Variants in MTMR10 observed in about 807,000 individuals in gnomAD.
MTMR10 encodes myotubularin related protein 10, also known as myotubularin-related protein 10.
Under a neutral mutation model 88.1 loss-of-function variants are expected in MTMR10, and 56 were observed. The observed-to-expected ratio is 0.64, with a 90% CI of 0.51 to 0.79. The LOEUF is 0.79. Among genes scored for constraint, MTMR10 ranks in the 30% least tolerant of loss-of-function variants. The pLI is 0.00. For synonymous variants in MTMR10, 380 were observed against 340.9 expected (o/e 1.11, Z -1.26); for missense variants, 883 against 924.7 (o/e 0.95, Z 0.58).
Position 30,991,596 on chromosome 15 carries a change from G to A in MTMR10, c.-90C>T, listed in dbSNP as rs1436101199. ...TAAAGCTCTCAGTGCGGCCGCCCAGGCCCTTTCTGCGGCCAGCCGAGCCGG... is the reference window on the plus strand; with the variant it reads ...TAAAGCTCTCAGTGCGGCCGCCCAGACCCTTTCTGCGGCCAGCCGAGCCGG... On this transcript the variant is annotated 5_prime_UTR_variant, in exon 1 of 16. Transcript: ENST00000435680. The A allele has an allele frequency of 6.3e-6, 9 of 1,430,960 alleles. No individual in the cohort carries two copies. Among genetic ancestry groups the A allele is most frequent in the African/African-American group, 4.5e-5 (3 of 66,190 alleles). 88.6% of individuals were successfully genotyped at this position (1,430,960 alleles called of 1,614,324 possible). A position where few individuals can be genotyped will look rare whatever the true frequency, so the allele number is the denominator to read the frequency against.
downstream of MTMR10, among the ~76,000 whole-genome samples, chr15:30,938,406 G>T (rs761330524): frequency 6.6e-6 from 1 of 152,112 alleles, no homozygotes; most frequent in African/African-American, 2.4e-5. Flanking sequence ...ACATGTAAAT[G>T]CTTGTTCTAC....
Position 30,947,121 on chromosome 15 carries a change from G to C in MTMR10, c.1548+9C>G. ...GGGAAAACGTAGCCACAGCCACAGGGTTGCTTACCGTGCTTTGCTTCACTC... is the reference window on the plus strand; with the variant it reads ...GGGAAAACGTAGCCACAGCCACAGGCTTGCTTACCGTGCTTTGCTTCACTC... On this transcript the variant is annotated intron_variant, in intron 14 of 15. Coordinates refer to ENST00000435680, the MANE Select transcript of MTMR10 (RefSeq NM_017762.3). The C allele has an allele frequency of 6.3e-7, 1 of 1,594,752 alleles. No individual in the cohort carries two copies. Among genetic ancestry groups the C allele is most frequent in the Non-Finnish European group, 8.5e-7 (1 of 1,171,802 alleles).
intron 5 of MTMR10, among the ~76,000 whole-genome samples, chr15:30,972,739 T>TC (rs1469145298): frequency 6.6e-6 from 1 of 152,176 alleles, no homozygotes; most frequent in Non-Finnish European, 1.5e-5. Flanking sequence ...ATCTTACCCT[T>TC]CTTTCTACTT....
At chr15:30,971,293 T>A (rs2063535031) in intron 5 of MTMR10, among the ~76,000 whole-genome samples, 1 of 152,156 alleles carries the variant, frequency 6.6e-6, no homozygotes, top group Non-Finnish European at 1.5e-5. Flanking sequence ...TTAAATCAAT[T>A]TTTGGACCAA....
chr15:30,940,334 C>T lies in MTMR10; in HGVS notation c.*1136G>A. On this transcript the variant is annotated 3_prime_UTR_variant, in exon 16 of 16. Transcript: ENST00000435680. Reference sequence around the variant, plus strand: ...AACTGTGTCTGCTCATTCTCCTCAACTTTGCTGTCCAAAGTTGGGGGCTGG... The same window carrying T: ...AACTGTGTCTGCTCATTCTCCTCAATTTTGCTGTCCAAAGTTGGGGGCTGG... 2 of 985,418 alleles carry T rather than the reference C, an allele frequency of 2.0e-6. No individual in the cohort carries two copies. The highest frequency in any genetic ancestry group is 9.4e-5 in the South Asian group (2 of 21,292). The allele number at this position is 985,418 out of a possible 1,614,324, so 61.0% of individuals were successfully genotyped here.
chr15:30,927,798 G>T, the MTMR10 span: 1 of 985,808 alleles, frequency 1.0e-6, no homozygotes, highest in Non-Finnish European at 1.2e-6. Context: ...ATGAGCTGGG[G>T]CTTGCTCAGG....
intron 7 of MTMR10, among the ~76,000 whole-genome samples, chr15:30,959,611 G>A (rs2063374251): frequency 1.3e-5 from 2 of 152,186 alleles, no homozygotes; most frequent in Admixed American, 6.5e-5. Flanking sequence ...TGCACCTCAA[G>A]ACATCTTCCT....
Position 30,948,676 on chromosome 15 carries a change from T to C in MTMR10, c.1208-205A>G, listed in dbSNP as rs2063204060. On this transcript the variant is annotated intron_variant, in intron 12 of 15. Transcript: ENST00000435680. ...AATTAGCATTTAATAGGAGATGGTC[T>C]TTTATACATGGATATTTGCCAGATA... 1.4e-5 allele frequency: 8 copies of C among 587,354 alleles called. No individual in the cohort carries two copies. The Admixed American group carries it at 2.0e-4, about 14-fold the overall frequency. 36.4% of individuals were successfully genotyped at this position (587,354 alleles called of 1,614,324 possible). A position where few individuals can be genotyped will look rare whatever the true frequency, so the allele number is the denominator to read the frequency against.
the MTMR10 span, among the ~76,000 whole-genome samples, chr15:30,923,818 TC>T: frequency 6.6e-6 from 1 of 152,354 alleles, no homozygotes; most frequent in African/African-American, 2.4e-5. Flanking sequence ...ATTTTTTCTT[TC>T]ACTTTTTATG....
Position 30,980,126 on chromosome 15 carries a change from C to T in MTMR10, c.122-3171G>A, listed in dbSNP as rs75041435. On this transcript the variant is annotated intron_variant, in intron 2 of 15. Transcript: ENST00000435680. ...ACAAGGTTTAGAAGACACAACTGGGCATGTCCCATCTGAAAGGTGAGAAGT... is the reference window on the plus strand; with the variant it reads ...ACAAGGTTTAGAAGACACAACTGGGTATGTCCCATCTGAAAGGTGAGAAGT... Among the ~76,000 whole-genome samples the T allele has an allele frequency of 2.9e-3, 440 of 152,340 alleles. 2 individuals are homozygous for T. The highest frequency in any genetic ancestry group is 8.2e-3 in the Admixed American group (125 of 15,304).
chr15:30,929,473 T>A, the MTMR10 span: 1 of 1,114,190 alleles, frequency 9.0e-7, no homozygotes, highest in Non-Finnish European at 1.3e-6. Context: ...AGCAACTTTA[T>A]CAAAATACAC....
intron 13 of MTMR10, 99 bp from the exon 14 acceptor site, chr15:30,947,399 G>C: frequency 7.3e-7 from 1 of 1,372,834 alleles, no homozygotes. Context: ...AGAGATGAAT[G>C]AGAAAACATC....
intron 14 of MTMR10, among the ~76,000 whole-genome samples, chr15:30,944,474 G>A (rs1321217063): frequency 6.6e-6 from 1 of 151,330 alleles, no homozygotes; most frequent in African/African-American, 2.4e-5. Flanking sequence ...GCTGTGGCAG[G>A]AGAATCACCT....
intron 10 of MTMR10, 21 bp from the exon 11 acceptor site, chr15:30,953,652 A>G: frequency 7.0e-7 from 1 of 1,438,524 alleles, no homozygotes; most frequent in South Asian, 1.3e-5. Flanking sequence ...TTATATACAT[A>G]CACATTTTTA....
chr15:30,955,980 A>C (rs537778598), intron 9 of MTMR10, among the ~76,000 whole-genome samples: 1 of 139,452 alleles, frequency 7.2e-6, no homozygotes, highest in East Asian at 2.3e-4. Flanking sequence ...CTTTAAAAAA[A>C]CAAAACAAAA....
At chr15:30,944,939 G>A (rs752163050) in intron 14 of MTMR10, among the ~76,000 whole-genome samples, 27 of 151,410 alleles carry the variant, frequency 1.8e-4, no homozygotes, top group Non-Finnish European at 3.5e-4. Context: ...TTGGACCCAG[G>A]AGGCAGAGGT....
intron 14 of MTMR10, chr15:30,946,688 C>T (rs755967085): frequency 3.0e-5 from 21 of 700,434 alleles, no homozygotes; most frequent in South Asian, 2.7e-4. Flanking sequence ...CCTGCTTAGT[C>T]ATAAATCCTC....
rs1238626350 is a variant in MTMR10 at position 30,967,994 on chromosome 15, G to A, written c.491C>T (p.Ala164Val). Reference sequence around the variant, plus strand: ...GAGGTCTGTTGGCTGGGAATAATGAGCTATTGCAAGGCATACCTAGGAAAA... The same window carrying A: ...GAGGTCTGTTGGCTGGGAATAATGAACTATTGCAAGGCATACCTAGGAAAA... ...ESAKKVCLAI[A>V]HYSQPTDLQL... The change falls in exon 6 of 16, where the codon GCT becomes GTT. Residue 164 changes from alanine (A) to valine (V), a missense_variant. Ala to Val is a moderately conservative substitution (Grantham distance 64, BLOSUM62 0). This residue lies in a region of MTMR10 where 414 missense variants were observed against 423.2 expected (regional missense o/e 0.98). Transcript: ENST00000435680. The A allele has an allele frequency of 1.3e-6, 2 of 1,567,948 alleles. No homozygotes were observed. The highest frequency in any genetic ancestry group is 1.9e-5 in the Admixed American group (1 of 53,718).
At position 30,941,084 on chromosome 15, in the gene MTMR10, C is replaced by A; in HGVS notation, c.*386G>T. ...CCTGCTGGAGGTTTTATCAGATGCT[C>A]CTAAAAATGACACGAAACACAAATT... On this transcript the variant is annotated 3_prime_UTR_variant, in exon 16 of 16. Transcript: ENST00000435680. The A allele has an allele frequency of 3.3e-6, 4 of 1,216,964 alleles. No individual in the cohort carries two copies. The highest frequency in any genetic ancestry group is 4.2e-6 in the Non-Finnish European group (4 of 957,998). The allele number at this position is 1,216,964 out of a possible 1,614,324, so 75.4% of individuals were successfully genotyped here.
Sources: gnomAD v4.1 joint callset for allele counts (sites outside exome capture counted in the v4.1 genomes callset) on GRCh38, gnomAD v4.1.1 for gene constraint, gnomAD v4.1.1 regional missense constraint, MANE v1.5 for transcripts, NCBI Gene and HGNC (gene_info 2026-07-23, HGNC 2026-07-21) for gene names.